Variants in SCUBE1 observed in about 807,000 individuals in gnomAD.
SCUBE1 encodes signal peptide, CUB domain and EGF like domain containing 1, also known as signal peptide, CUB and EGF-like domain-containing protein 1.
Under a neutral mutation model 124.4 loss-of-function variants are expected in SCUBE1, and 59 were observed. The observed-to-expected ratio is 0.47, with a 90% CI of 0.38 to 0.59. The LOEUF (loss-of-function observed/expected upper bound fraction) is 0.59. Among genes scored for constraint, SCUBE1 ranks in the 20% least tolerant of loss-of-function variants. SCUBE1 has a pLI of 0.00. For missense variants in SCUBE1, 1,150 were observed against 1,371.2 expected, an observed-to-expected ratio of 0.84 and a Z score of 2.55; for synonymous variants, 545 against 550.9, an observed-to-expected ratio of 0.99 and a Z score of 0.15.
chr22:43,281,583 C>CCT (rs1924905196), intron 4 of SCUBE1, among the ~76,000 whole-genome samples: 2 of 145,922 alleles, frequency 1.4e-5, no homozygotes, highest in African/African-American at 5.2e-5. Context: ...CCTGTCACCT[C>CCT]CCTTCTCAGC....
chr22:43,263,762 C>T (rs777145318), intron 4 of SCUBE1, among the ~76,000 whole-genome samples: 8 of 152,256 alleles, frequency 5.3e-5, no homozygotes, highest in Non-Finnish European at 1.2e-4. Flanking sequence ...TTTTGCCCGG[C>T]ACTGTAACTC....
intron 21 of SCUBE1, among the ~76,000 whole-genome samples, chr22:43,206,390 AC>A (rs150563593): frequency 0.024 from 3,549 of 150,062 alleles, 134 homozygotes; most frequent in African/African-American, 0.079. Flanking sequence ...ACACTCCCCC[AC>A]CCCCCGCACA....
At chr22:43,313,225 G>C (rs1926231355) in intron 3 of SCUBE1, among the ~76,000 whole-genome samples, 1 of 152,192 alleles carries the variant, frequency 6.6e-6, no homozygotes, top group Non-Finnish European at 1.5e-5. Flanking sequence ...CTCAATAAAT[G>C]TTAATGAAAT....
chr22:43,288,747 C>T (rs891594677), intron 4 of SCUBE1, among the ~76,000 whole-genome samples: 1 of 152,234 alleles, frequency 6.6e-6, no homozygotes, highest in African/African-American at 2.4e-5. Flanking sequence ...TGCCTCTTCC[C>T]TAACTTCGCT....
At chr22:43,303,530 C>G (rs917181558) in intron 3 of SCUBE1, among the ~76,000 whole-genome samples, 2 of 152,238 alleles carry the variant, frequency 1.3e-5, no homozygotes, top group African/African-American at 4.8e-5. Flanking sequence ...AGATGGCAGG[C>G]CACAGAAGGC....
At chr22:43,238,478 G>A (rs529657359) in intron 7 of SCUBE1, 226 of 568,306 alleles carry the variant, frequency 4.0e-4, no homozygotes, top group Non-Finnish European at 6.3e-4. Context: ...TACATTCTAC[G>A]CGCCTTGGGA....
chr22:43,214,153 T>C lies in SCUBE1; in HGVS notation c.1990A>G (p.Thr664Ala). 6.5e-7 allele frequency: 1 copy of C among 1,542,948 alleles called. No homozygotes were observed. The highest frequency in any genetic ancestry group is 8.8e-7 in the Non-Finnish European group (1 of 1,135,672). The stretch of plus-strand genomic sequence containing the variant: ...AGCCCGTCGCTGCTGGGGCACGGTG[T>C]GCAACTGAGCTGGCCTTCCATGTCC... ...YQDMEGQLSC[T>A]PCPSSDGLGL... is the part of the protein sequence containing the mutation. The change falls in exon 16 of 22, where the codon ACA becomes GCA. Residue 664 changes from threonine (T) to alanine (A), a missense_variant. Transcript: ENST00000360835.
chr22:43,218,232 A>G (rs369304150), intron 15 of SCUBE1, 23 bp downstream of exon 15: 24 of 1,609,144 alleles, frequency 1.5e-5, no homozygotes, highest in Non-Finnish European at 2.0e-5. Context: ...TCAGCATCTG[A>G]GTGGCCATGG....
chr22:43,343,209 G>T lies in SCUBE1; in HGVS notation c.53C>A (p.Thr18Lys). 1 of 1,208,958 alleles carries T rather than the reference G, an allele frequency of 8.3e-7. No homozygotes were observed. 74.9% of individuals were successfully genotyped at this position (1,208,958 alleles called of 1,614,324 possible). Residue 18 changes from threonine (T) to lysine (K), a missense_variant, in exon 1 of 22, where the codon ACA (threonine) becomes AAA (lysine). Physicochemically the swap from Thr to Lys is moderately conservative, Grantham distance 78 (BLOSUM62 -1). Transcript: ENST00000360835. ...GCTGCCCCCGGCCAGCCGCCCGCGT[G>T]TGCCCAGGGCCAGCAGCACGCACAA... The part of the protein sequence containing the change: ...WHLCVLLALG[T>K]RGRLAGGSGL...
At chr22:43,333,712 C>A (rs550266730) in intron 2 of SCUBE1, among the ~76,000 whole-genome samples, 1 of 152,206 alleles carries the variant, frequency 6.6e-6, no homozygotes, top group African/African-American at 2.4e-5. Flanking sequence ...TATCACCCAG[C>A]GGTCAAGAGG....
At chr22:43,269,060 T>C (rs1157688543) in intron 4 of SCUBE1, among the ~76,000 whole-genome samples, 1 of 152,138 alleles carries the variant, frequency 6.6e-6, no homozygotes, top group African/African-American at 2.4e-5. Flanking sequence ...TTTCATTCAC[T>C]TGGACCCTCA....
chr22:43,322,704 G>A (rs891683848), intron 2 of SCUBE1, among the ~76,000 whole-genome samples: 2 of 152,166 alleles, frequency 1.3e-5, no homozygotes, highest in Admixed American at 1.3e-4. Flanking sequence ...CTAACTCTGG[G>A]GGTGGAGACT....
At chr22:43,224,314 T>G (rs1432649103) in intron 10 of SCUBE1, among the ~76,000 whole-genome samples, 2 of 152,236 alleles carry the variant, frequency 1.3e-5, no homozygotes, top group Admixed American at 1.3e-4. Context: ...GCTGACTGCT[T>G]TGTTAGCAAG....
intron 3 of SCUBE1, among the ~76,000 whole-genome samples, chr22:43,309,918 C>A (rs2146773417): frequency 6.6e-6 from 1 of 152,288 alleles, no homozygotes; most frequent in South Asian, 2.1e-4. Flanking sequence ...AACGAAGCCA[C>A]CAACCGCTCT....
At chr22:43,224,880 C>T (rs988188782) in intron 10 of SCUBE1, among the ~76,000 whole-genome samples, 2 of 152,196 alleles carry the variant, frequency 1.3e-5, no homozygotes, top group African/African-American at 2.4e-5. Context: ...TGAATTTAGA[C>T]TATTATCCTA....
intron 6 of SCUBE1, among the ~76,000 whole-genome samples, chr22:43,244,180 ACAC>A (rs980246533): frequency 6.6e-6 from 1 of 151,572 alleles, no homozygotes; most frequent in Non-Finnish European, 1.5e-5. Context: ...ATGCCCCGCC[ACAC>A]CCCAGCACGG....
At chr22:43,336,052 A>G (rs1377132017) in intron 2 of SCUBE1, among the ~76,000 whole-genome samples, 15 of 152,258 alleles carry the variant, frequency 9.9e-5, no homozygotes, top group East Asian at 5.8e-4. Flanking sequence ...AGACTTTGCC[A>G]TCTGTATATG....
chr22:43,218,322 C>T lies in SCUBE1; in HGVS notation c.1824G>A (p.Arg608=). The change falls in exon 15 of 22, where the codon AGG becomes AGA. Residue 608 remains arginine, a synonymous_variant. Transcript: ENST00000360835. ...CCTGCCCCTCCAGCGCCTTGGCTGG[C>T]CTCTGGGCTACCTCGTACTCAGTGC... ...VSGTEYEVAQ[R]PAKALEGQGA... 6.2e-7 allele frequency: 1 copy of T among 1,613,424 alleles called. No homozygotes were observed. Among genetic ancestry groups the T allele is most frequent in the Middle Eastern group, 1.6e-4 (1 of 6,062 alleles).
intron 6 of SCUBE1, among the ~76,000 whole-genome samples, chr22:43,248,836 G>A (rs899108332): frequency 3.9e-5 from 6 of 152,146 alleles, no homozygotes; most frequent in African/African-American, 1.2e-4. Flanking sequence ...TCTCTGAGCT[G>A]GATACCTGCC....
Sources: allele counts gnomAD v4.1 joint callset (sites outside exome capture counted in the v4.1 genomes callset), GRCh38; gene constraint gnomAD v4.1.1; transcripts MANE v1.5; gene names NCBI Gene and HGNC (gene_info 2026-07-23, HGNC 2026-07-21).